Variants in SFRP1 observed in about 807,000 individuals in gnomAD.
SFRP1 encodes secreted frizzled related protein 1, also known as secreted frizzled-related protein 1.
In SFRP1, 9 loss-of-function variants were observed where a neutral mutation model predicts 25.9. That is an observed-to-expected ratio of 0.35 (90% CI 0.21 to 0.61). The LOEUF (loss-of-function observed/expected upper bound fraction) is 0.61, where lower values mean the gene tolerates loss of function less well. Ranked by LOEUF, SFRP1 falls within the 20% of genes least tolerant of loss-of-function variation. SFRP1 has a pLI of 0.78. For synonymous variants in SFRP1, 178 were observed against 174.0 expected (o/e 1.02, Z -0.18); for missense variants, 346 against 418.2 (o/e 0.83, Z 1.51).
chr8:41,297,178 G>A (rs1259088897), intron 2 of SFRP1, among the ~76,000 whole-genome samples: 1 of 152,052 alleles, frequency 6.6e-6, no homozygotes, highest in Non-Finnish European at 1.5e-5. Context: ...GAAGTAGCTG[G>A]GATTACAAGC....
At chr8:41,292,237 G>A (rs768625111) in intron 2 of SFRP1, among the ~76,000 whole-genome samples, 6 of 152,282 alleles carry the variant, frequency 3.9e-5, no homozygotes, top group Admixed American at 1.3e-4. Flanking sequence ...TCTTTGCAGC[G>A]AAGATCCCAT....
At position 41,308,722 on chromosome 8, in the gene SFRP1, G is replaced by T; in HGVS notation, c.438C>A (p.Phe146Leu). 6.2e-7 allele frequency: 1 copy of T among 1,611,212 alleles called. No individual in the cohort carries two copies. Reference sequence around the variant, plus strand: ...GCATCTCGGGCCAGTAGAAGCCGAAGAACTGCATGACCGGCTCGCACGAGT... The same window carrying T: ...GCATCTCGGGCCAGTAGAAGCCGAATAACTGCATGACCGGCTCGCACGAGT... ...VRDSCEPVMQ[F>L]FGFYWPEMLK... Residue 146 changes from phenylalanine to leucine, a missense_variant, in exon 1 of 3, where the codon TTC becomes TTA. Phe to Leu is a conservative substitution (Grantham distance 22, BLOSUM62 0). Coordinates refer to ENST00000220772, the MANE Select transcript of SFRP1 (RefSeq NM_003012.5).
chr8:41,282,284 G>T (rs1454102574), intron 2 of SFRP1, among the ~76,000 whole-genome samples: 2 of 152,242 alleles, frequency 1.3e-5, no homozygotes, highest in Non-Finnish European at 2.9e-5. Flanking sequence ...GGGAGGCCAA[G>T]GTTGGGGGAT....
intron 2 of SFRP1, among the ~76,000 whole-genome samples, chr8:41,284,612 A>T (rs998268712): frequency 6.6e-6 from 1 of 152,206 alleles, no homozygotes; most frequent in Non-Finnish European, 1.5e-5. Context: ...GCAGCAAATG[A>T]AGTGACCTGC....
intron 2 of SFRP1, among the ~76,000 whole-genome samples, chr8:41,287,034 G>A (rs987769901): frequency 6.6e-6 from 1 of 152,188 alleles, no homozygotes; most frequent in South Asian, 2.1e-4. Context: ...TCTGAATAAC[G>A]TCTACAGTGG....
chr8:41,307,145 C>T (rs1271602910), intron 1 of SFRP1, among the ~76,000 whole-genome samples: 1 of 152,200 alleles, frequency 6.6e-6, no homozygotes. Flanking sequence ...GGGTGCAAGC[C>T]AACAGAACAC....
intron 2 of SFRP1, among the ~76,000 whole-genome samples, chr8:41,283,826 G>A (rs1387183258): frequency 6.6e-6 from 1 of 152,154 alleles, no homozygotes; most frequent in Non-Finnish European, 1.5e-5. Context: ...GCCTCCCAAA[G>A]TGCTGGGATT....
At chr8:41,286,653 C>T (rs1355134233) in intron 2 of SFRP1, among the ~76,000 whole-genome samples, 1 of 152,206 alleles carries the variant, frequency 6.6e-6, no homozygotes. Flanking sequence ...CATGGAACGA[C>T]TCCAGGATTC....
chr8:41,283,560 A>G (rs1369251610), intron 2 of SFRP1, among the ~76,000 whole-genome samples: 1 of 151,910 alleles, frequency 6.6e-6, no homozygotes, highest in Non-Finnish European at 1.5e-5. Context: ...AACTAAAAAA[A>G]AAAATTAAAC....
chr8:41,281,986 C>T (rs1803639685), intron 2 of SFRP1, among the ~76,000 whole-genome samples: 2 of 152,206 alleles, frequency 1.3e-5, no homozygotes, highest in Admixed American at 6.5e-5. Flanking sequence ...GCTGCTAGGA[C>T]AATTCACGAG....
chr8:41,280,637 G>A (rs1043112813), intron 2 of SFRP1, among the ~76,000 whole-genome samples: 9 of 152,130 alleles, frequency 5.9e-5, no homozygotes, highest in Non-Finnish European at 1.3e-4. Context: ...AACTCTGCAC[G>A]CCCTTTCTAC....
At chr8:41,302,004 A>G (rs564244744) in intron 2 of SFRP1, among the ~76,000 whole-genome samples, 159 of 152,366 alleles carry the variant, frequency 1.0e-3, no homozygotes, top group Non-Finnish European at 2.2e-3. Flanking sequence ...TCTTCAGCCT[A>G]TGTGGCAAAG....
rs200639526 is a variant in SFRP1, at chr8:41,308,623, C to T, written c.537G>A (p.Lys179=). 1.3e-6 allele frequency: 2 copies of T among 1,597,072 alleles called. No homozygotes were observed. The highest frequency in any genetic ancestry group is 2.3e-5 in the East Asian group (1 of 44,442). Residue 179 remains lysine, a synonymous_variant, in exon 1 of 3, where the codon AAG becomes AAA. Transcript: ENST00000220772. Reference sequence around the variant, plus strand: ...GGGAGGAGGCAGCCTTACCTTGGGGCTTGGAGGCTTCGGTGGCATTGGGCG... The same window carrying T: ...GGGAGGAGGCAGCCTTACCTTGGGGTTTGGAGGCTTCGGTGGCATTGGGCG... ...MTPPNATEAS[K]PQGTTVCPPC...
In SFRP1 at chr8:41,265,434, G is replaced by A; in HGVS notation, c.678C>T (p.Val226=). 1 of 1,610,778 alleles carries A rather than the reference G, an allele frequency of 6.2e-7. No individual in the cohort carries two copies. The highest frequency in any genetic ancestry group is 8.5e-7 in the Non-Finnish European group (1 of 1,179,382). The change falls in exon 3 of 3, where the codon GTC becomes GTT. Residue 226 remains valine, a synonymous_variant. Coordinates refer to ENST00000220772, the MANE Select transcript of SFRP1 (RefSeq NM_003012.5). ...VKKENGDKKI[V]PKKKKPLKLG... ...ACTTCAGGGGCTTCTTCTTCTTGGG[G>A]ACAATCTTCTTGTCGCCATTTTCTT...
intron 1 of SFRP1, 26 bp from the exon 2 acceptor site, chr8:41,303,564 G>A: frequency 6.3e-7 from 1 of 1,590,416 alleles, no homozygotes; most frequent in Non-Finnish European, 8.6e-7. Flanking sequence ...GGGAGAAACG[G>A]AACTGTAAGT....
At chr8:41,268,902 A>C (rs1004648533) in intron 2 of SFRP1, among the ~76,000 whole-genome samples, 2 of 152,244 alleles carry the variant, frequency 1.3e-5, no homozygotes, top group African/African-American at 2.4e-5. Flanking sequence ...TTTGCAATGC[A>C]AATGGTGGTG....
At position 41,306,963 on chromosome 8, in the gene SFRP1, G is replaced by A. The variant is rs975483908; in HGVS notation, c.544+1653C>T. ...GGACTGCAGCACCTTTTCCGCAGCCGAGCCCCCTAAGGTGTCCACTCATGT... is the reference window on the plus strand; with the variant it reads ...GGACTGCAGCACCTTTTCCGCAGCCAAGCCCCCTAAGGTGTCCACTCATGT... On this transcript the variant is annotated intron_variant, in intron 1 of 2. Transcript: ENST00000220772. 12 of 1,501,774 alleles carry A rather than the reference G, an allele frequency of 8.0e-6. No homozygotes were observed. In the African/African-American group the frequency reaches 8.3e-5, roughly 10 times the overall value. 93.0% of individuals were successfully genotyped at this position (1,501,774 alleles called of 1,614,324 possible). A position where few individuals can be genotyped will look rare whatever the true frequency, so the allele number is the denominator to read the frequency against.
rs941672160 is a variant in SFRP1 at position 41,262,060 on chromosome 8, C to G, written c.*3107G>C. 6.6e-6 allele frequency: 1 copy of G among 152,206 alleles called. No homozygotes were observed. 9.4% of individuals were successfully genotyped at this position (152,206 alleles called of 1,614,324 possible). A position where few individuals can be genotyped will look rare whatever the true frequency, so the allele number is the denominator to read the frequency against. Reference sequence around the variant, plus strand: ...GTACGGGAATTACTATTAACATAAGCGATAACATCAAAACATCTGGTAAAA... The same window carrying G: ...GTACGGGAATTACTATTAACATAAGGGATAACATCAAAACATCTGGTAAAA... On this transcript the variant is annotated 3_prime_UTR_variant, in exon 3 of 3. Coordinates refer to ENST00000220772, the MANE Select transcript of SFRP1 (RefSeq NM_003012.5).
At chr8:41,301,802 C>T (rs1261057052) in intron 2 of SFRP1, among the ~76,000 whole-genome samples, 1 of 152,224 alleles carries the variant, frequency 6.6e-6, no homozygotes, top group Non-Finnish European at 1.5e-5. Context: ...TCAGATTCCA[C>T]AAACCGTGAC....
Sources: allele counts gnomAD v4.1 joint callset (sites outside exome capture counted in the v4.1 genomes callset), GRCh38; gene constraint gnomAD v4.1.1; transcripts MANE v1.5; gene names NCBI Gene and HGNC (gene_info 2026-07-23, HGNC 2026-07-21).